Variants in DGKH observed in about 807,000 individuals in gnomAD.
The protein encoded by DGKH is DAG kinase eta.
DGKH carries 90 observed loss-of-function variants against 159.3 expected under a neutral mutation model. The ratio of observed to expected loss-of-function variants is 0.57; its 90% CI spans 0.48 to 0.67. The LOEUF is 0.67. Ranked by LOEUF, DGKH falls within the 30% of genes least tolerant of loss-of-function variation. The pLI is 0.00. For missense variants in DGKH, 1,181 were observed against 1,506.1 expected, an observed-to-expected ratio of 0.78 and a Z score of 3.57; for synonymous variants, 536 against 553.8, an observed-to-expected ratio of 0.97 and a Z score of 0.45.
chr13:42,169,540 T>C (rs1183664346), intron 11 of DGKH, among the ~76,000 whole-genome samples: 2 of 152,138 alleles, frequency 1.3e-5, no homozygotes, highest in Non-Finnish European at 2.9e-5. Context: ...CAACCCCCAA[T>C]GTCAGTAGAA....
At chr13:42,219,104 T>G in intron 26 of DGKH, 126 bp from the exon 27 acceptor site, 1 of 1,216,512 alleles carries the variant, frequency 8.2e-7, no homozygotes. Flanking sequence ...TTAATATTCC[T>G]TAATTTAAAA....
intron 3 of DGKH, among the ~76,000 whole-genome samples, chr13:42,147,439 T>A (rs1198413185): frequency 6.6e-6 from 1 of 152,228 alleles, no homozygotes; most frequent in Non-Finnish European, 1.5e-5. Flanking sequence ...TATGGTGTAA[T>A]GGAAAATTTA....
chr13:42,243,227 T>G (rs1000369056), downstream of DGKH, among the ~76,000 whole-genome samples: 1 of 152,200 alleles, frequency 6.6e-6, no homozygotes, highest in African/African-American at 2.4e-5. Flanking sequence ...TTCTATACTT[T>G]TATCATTTCA....
chr13:42,179,780 CAA>C (rs3039209), intron 13 of DGKH, among the ~76,000 whole-genome samples: 10 of 129,422 alleles, frequency 7.7e-5, no homozygotes, highest in Non-Finnish European at 3.2e-5. Context: ...GATCTTGTCT[CAA>C]AAAAAAAAAA....
rs149630901 is a variant in DGKH, at chr13:42,201,969, A to G, written c.2493+2060A>G. On this transcript the variant is annotated intron_variant, in intron 20 of 29. Transcript: ENST00000337343. ...CTAATGCCTTTTTTCCCCTACATTT[A>G]TAATTGAGGGCGATGCTAAACTTCA... Among the ~76,000 whole-genome samples, 200 of 152,232 alleles carry G rather than the reference A, an allele frequency of 1.3e-3. 3 individuals are homozygous for G. Among genetic ancestry groups the G allele is most frequent in the Admixed American group, 1.1e-3 (17 of 15,290 alleles).
At chr13:42,083,662 G>C (rs934586247) in intron 1 of DGKH, among the ~76,000 whole-genome samples, 6 of 152,104 alleles carry the variant, frequency 3.9e-5, no homozygotes, top group Non-Finnish European at 7.4e-5. Flanking sequence ...TGAGCAACTC[G>C]TTGCTTCTTG....
intron 1 of DGKH, among the ~76,000 whole-genome samples, chr13:42,113,517 A>C (rs561050751): frequency 1.3e-4 from 20 of 152,324 alleles, no homozygotes; most frequent in African/African-American, 4.8e-4. Flanking sequence ...TTTACTTTTA[A>C]GAAAGTAGGA....
intron 1 of DGKH, chr13:42,069,293 A>G (rs1882799194): frequency 2.8e-6 from 3 of 1,081,902 alleles, no homozygotes; most frequent in Non-Finnish European, 4.1e-6. Flanking sequence ...AGTTCTCCCC[A>G]TCACTCACAA....
At chr13:42,050,768 G>A (rs927080092) in intron 1 of DGKH, among the ~76,000 whole-genome samples, 1 of 152,118 alleles carries the variant, frequency 6.6e-6, no homozygotes, top group African/African-American at 2.4e-5. Flanking sequence ...GGTACCTGAG[G>A]ATCACTTGAG....
rs1555276120 is a variant in DGKH at position 42,207,108 on chromosome 13, T to TCTTTCTTTCTTTCTTA, written c.2601+968_2601+969insTTCTTTCTTACTTTCT. Among the ~76,000 whole-genome samples the TCTTTCTTTCTTTCTTA allele has an allele frequency of 1.5e-5, 2 of 135,474 alleles. 1 individual carries two copies. The highest frequency in any genetic ancestry group is 3.2e-5 in the Non-Finnish European group (2 of 62,860). 88.9% of individuals were successfully genotyped at this position (135,474 alleles called of 152,430 possible). A position where few individuals can be genotyped will look rare whatever the true frequency, so the allele number is the denominator to read the frequency against. On this transcript the variant is annotated intron_variant, in intron 21 of 29. Coordinates refer to ENST00000337343, the MANE Select transcript of DGKH (RefSeq NM_178009.5). ...TTCTTTCTTTCTTTCTTTCTTTCTTTCTTTCTCTTTCTCTCTCCTTCCTTC... is the reference window on the plus strand; with the variant it reads ...TTCTTTCTTTCTTTCTTTCTTTCTTTCTTTCTTTCTTTCTTACTTTCTCTTTCTCTCTCCTTCCTTC...
At chr13:42,090,012 C>T (rs1954386528) in intron 1 of DGKH, among the ~76,000 whole-genome samples, 1 of 152,060 alleles carries the variant, frequency 6.6e-6, no homozygotes, top group East Asian at 1.9e-4. Flanking sequence ...TCCAAATAAC[C>T]CATGGATCAA....
At chr13:42,122,055 T>C (rs538744075) in intron 1 of DGKH, among the ~76,000 whole-genome samples, 1 of 152,338 alleles carries the variant, frequency 6.6e-6, no homozygotes, top group Non-Finnish European at 1.5e-5. Flanking sequence ...AATTAGGTTC[T>C]TGATGAGGGA....
upstream of DGKH, among the ~76,000 whole-genome samples, chr13:42,045,859 G>T (rs183501914): frequency 2.6e-5 from 4 of 152,306 alleles, no homozygotes; most frequent in African/African-American, 7.2e-5. Context: ...CTTTTGTTAT[G>T]AGTAGTGATC....
chr13:42,162,749 A>G (rs1351195213), intron 7 of DGKH, among the ~76,000 whole-genome samples: 1 of 152,008 alleles, frequency 6.6e-6, no homozygotes, highest in Non-Finnish European at 1.5e-5. Flanking sequence ...GGTTGCAGTG[A>G]GCTGAGATTG....
chr13:42,143,286 T>G (rs1319190254), intron 3 of DGKH, among the ~76,000 whole-genome samples: 1 of 152,212 alleles, frequency 6.6e-6, no homozygotes. Flanking sequence ...GATGTGCTGC[T>G]GGATTCGGTT....
At chr13:42,246,599 C>T (rs111866081), downstream of DGKH, among the ~76,000 whole-genome samples, 224 of 152,274 alleles carry the variant, frequency 1.5e-3, no homozygotes, top group African/African-American at 5.2e-3. Context: ...CTGGCAACGA[C>T]ATTTTGGATG....
intron 3 of DGKH, among the ~76,000 whole-genome samples, chr13:42,154,353 T>A (rs74051529): frequency 6.6e-6 from 1 of 152,146 alleles, no homozygotes; most frequent in Admixed American, 6.5e-5. Flanking sequence ...TGACAGTAAA[T>A]GTGTAGGATT....
chr13:42,118,022 C>T (rs1566110543), intron 1 of DGKH, among the ~76,000 whole-genome samples: 1 of 152,140 alleles, frequency 6.6e-6, no homozygotes, highest in Non-Finnish European at 1.5e-5. Context: ...TGGAGACCAT[C>T]TTGGCTAACA....
intron 7 of DGKH, among the ~76,000 whole-genome samples, chr13:42,161,447 G>A (rs192770016): frequency 6.5e-4 from 99 of 151,930 alleles, no homozygotes; most frequent in Admixed American, 4.6e-3. Flanking sequence ...AGGAGATCAA[G>A]ACCATCCTGG....
Sources: gnomAD v4.1 joint callset for allele counts (sites outside exome capture counted in the v4.1 genomes callset) on GRCh38, gnomAD v4.1.1 for gene constraint, MANE v1.5 for transcripts, NCBI Gene and HGNC (gene_info 2026-07-23, HGNC 2026-07-21) for gene names.